Variants in PEX14 observed in about 807,000 individuals in gnomAD.
The protein encoded by PEX14 is peroxisomal biogenesis factor 14, also known as peroxisomal membrane protein PEX14.
A neutral mutation model predicts 49.5 loss-of-function variants in PEX14; 15 were observed. That is an observed-to-expected ratio of 0.30 (90% confidence interval 0.20 to 0.47). PEX14 has a LOEUF of 0.47. Ranked by LOEUF, PEX14 falls within the 20% of genes least tolerant of loss-of-function variation. The pLI, the probability that PEX14 is intolerant of heterozygous loss-of-function variation, is 1.00. For synonymous variants in PEX14, 210 were observed against 212.7 expected, an observed-to-expected ratio of 0.99 and a Z score of 0.11; for missense variants, 398 against 494.8, an observed-to-expected ratio of 0.80 and a Z score of 1.86.
intron 1 of PEX14, among the ~76,000 whole-genome samples, chr1:10,484,849 A>G (rs1194513592): frequency 6.6e-6 from 1 of 151,686 alleles, no homozygotes; most frequent in Non-Finnish European, 1.5e-5. Flanking sequence ...TTCTTGCCAA[A>G]TGAGTCTTCC....
chr1:10,629,431 T>C lies in PEX14; in HGVS notation c.678-100T>C. 1 of 804,398 alleles carries C rather than the reference T, an allele frequency of 1.2e-6. No homozygotes were observed. Among genetic ancestry groups the C allele is most frequent in the Non-Finnish European group, 2.1e-6 (1 of 466,792 alleles). The allele number at this position is 804,398 out of a possible 1,614,324, so 49.8% of individuals were successfully genotyped here. Reference sequence around the variant, plus strand: ...TGCCCAGTGTCCCTGGGGGAGCAGCTCACCATCGCCGAGCCCTTGCGGGTC... The same window carrying C: ...TGCCCAGTGTCCCTGGGGGAGCAGCCCACCATCGCCGAGCCCTTGCGGGTC... On this transcript the variant is annotated intron_variant, in intron 8 of 8. Transcript: ENST00000356607. This position sits in a 1 kb window ranked among gnomAD's most constrained non-coding sequence, Gnocchi z 8.5.
intron 3 of PEX14, among the ~76,000 whole-genome samples, chr1:10,585,561 G>C (rs1640456241): frequency 6.6e-6 from 1 of 152,208 alleles, no homozygotes; most frequent in Admixed American, 6.5e-5. Flanking sequence ...GATGGAAAAA[G>C]ATACACCATG....
chr1:10,577,985 C>T (rs1291955455), intron 3 of PEX14, among the ~76,000 whole-genome samples: 1 of 151,832 alleles, frequency 6.6e-6, no homozygotes, highest in East Asian at 2.0e-4. Flanking sequence ...AAGGCTTTTT[C>T]CTTGAGGTAT....
chr1:10,584,566 G>T (rs1388838741), intron 3 of PEX14, among the ~76,000 whole-genome samples: 1 of 152,160 alleles, frequency 6.6e-6, no homozygotes, highest in Admixed American at 6.5e-5. Flanking sequence ...CATATAGACA[G>T]ATCAATAGAG....
intron 3 of PEX14, 28 bp from the exon 4 acceptor site, chr1:10,599,210 A>G (rs971894471): frequency 6.2e-7 from 1 of 1,613,260 alleles, no homozygotes; most frequent in Non-Finnish European, 8.5e-7. Flanking sequence ...AAAGGTACTC[A>G]CCTGCAATGA....
chr1:10,600,498 C>T (rs1164089985), intron 4 of PEX14, among the ~76,000 whole-genome samples: 1 of 152,020 alleles, frequency 6.6e-6, no homozygotes, highest in Non-Finnish European at 1.5e-5. Flanking sequence ...AGGCGGATCA[C>T]TTGAGGTCAG....
intron 2 of PEX14, among the ~76,000 whole-genome samples, chr1:10,503,730 T>TTTTTC (rs1276465503): frequency 2.0e-5 from 3 of 151,928 alleles, no homozygotes; most frequent in South Asian, 2.1e-4. Context: ...CCTTTTTTCT[T>TTTTTC]TTTTCTTTTC....
intron 4 of PEX14, among the ~76,000 whole-genome samples, chr1:10,608,675 A>G (rs9430150): frequency 0.12 from 271 of 2,300 alleles, no homozygotes; most frequent in African/African-American, 0.3. Context: ...AAAAAAAAAG[A>G]AAAAAAAAAA....
chr1:10,548,084 G>T (rs571845175), intron 3 of PEX14, among the ~76,000 whole-genome samples: 2 of 152,296 alleles, frequency 1.3e-5, no homozygotes, highest in African/African-American at 4.8e-5. Flanking sequence ...AGGCGTGGTG[G>T]CGCATGCCTG....
intron 2 of PEX14, among the ~76,000 whole-genome samples, chr1:10,507,072 G>T (rs563001850): frequency 6.6e-6 from 1 of 152,278 alleles, no homozygotes; most frequent in Admixed American, 6.5e-5. Context: ...CTCGCTGTTG[G>T]TGTCTTTATT....
At chr1:10,528,219 C>T (rs1638548086) in intron 2 of PEX14, 2 of 563,544 alleles carry the variant, frequency 3.5e-6, no homozygotes, top group East Asian at 2.9e-4. Context: ...ATGACACAAC[C>T]TTTCTTCGTC....
In PEX14 at chr1:10,539,544, C is replaced by T. The variant is rs1012923919; in HGVS notation, c.169+3247C>T. Among the ~76,000 whole-genome samples, 4 of 150,920 alleles carry T rather than the reference C, an allele frequency of 2.7e-5. No individual in the cohort carries two copies. The highest frequency in any genetic ancestry group is 5.9e-5 in the Non-Finnish European group (4 of 67,756). ...ATGACACATCAACTGCGGAGTCAGC[C>T]ACACATCAAGATAATTGGACTGTGT... On this transcript the variant is annotated intron_variant, in intron 3 of 8. Transcript: ENST00000356607. The surrounding 1 kb of genome is among the most constrained non-coding windows in gnomAD (Gnocchi z 4.6).
rs1553119318 is a variant in PEX14 at position 10,608,741 on chromosome 1, T to TA, written c.298+9386dup. Among the ~76,000 whole-genome samples the TA allele has an allele frequency of 1.2e-4, 17 of 138,096 alleles. No homozygotes were observed. In the East Asian group the frequency reaches 2.7e-3, roughly 22 times the overall value. 90.6% of individuals were successfully genotyped at this position (138,096 alleles called of 152,430 possible). A position where few individuals can be genotyped will look rare whatever the true frequency, so the allele number is the denominator to read the frequency against. On this transcript the variant is annotated intron_variant, in intron 4 of 8. Transcript: ENST00000356607. ...TCTAGATTCCTCTTTTAAAAAAAAATAAAAAAAAAAACAAAGCTATCGAAG... is the reference window on the plus strand; with the variant it reads ...TCTAGATTCCTCTTTTAAAAAAAAATAAAAAAAAAAAACAAAGCTATCGAAG...
intron 3 of PEX14, among the ~76,000 whole-genome samples, chr1:10,557,842 T>A (rs1639538349): frequency 6.6e-6 from 1 of 152,166 alleles, no homozygotes; most frequent in Non-Finnish European, 1.5e-5. Context: ...ACCTTTTTTT[T>A]TTTTTTTAAT....
intron 4 of PEX14, among the ~76,000 whole-genome samples, chr1:10,610,340 A>G (rs1641243035): frequency 7.0e-6 from 1 of 143,496 alleles, no homozygotes; most frequent in Admixed American, 7.3e-5. Flanking sequence ...ATTATACACA[A>G]ATATATATAA....
rs1256270433 is a variant in PEX14, at chr1:10,628,625, A to C, written c.678-906A>C. Among the ~76,000 whole-genome samples, 9 of 152,246 alleles carry C rather than the reference A, an allele frequency of 5.9e-5. No individual in the cohort carries two copies. Among genetic ancestry groups the C allele is most frequent in the Admixed American group, 3.3e-4 (5 of 15,290 alleles). ...GCCTTGGAGGCTGGGGATGGAGGCCAGGCCATCGGGTGACCGTGGGGGCCA... is the reference window on the plus strand; with the variant it reads ...GCCTTGGAGGCTGGGGATGGAGGCCCGGCCATCGGGTGACCGTGGGGGCCA... On this transcript the variant is annotated intron_variant, in intron 8 of 8. Coordinates refer to ENST00000356607, the MANE Select transcript of PEX14 (RefSeq NM_004565.3). This position sits in a 1 kb window ranked among gnomAD's most constrained non-coding sequence, Gnocchi z 4.5.
chr1:10,501,592 C>T (rs1218048149), intron 2 of PEX14, among the ~76,000 whole-genome samples: 5 of 152,040 alleles, frequency 3.3e-5, no homozygotes, highest in Non-Finnish European at 7.4e-5. Context: ...TGAGCCACCG[C>T]GCCCTGCCCC....
intron 2 of PEX14, among the ~76,000 whole-genome samples, chr1:10,506,624 C>T (rs1051577876): frequency 6.6e-6 from 1 of 152,204 alleles, no homozygotes; most frequent in Non-Finnish European, 1.5e-5. Flanking sequence ...TTTATGAAAA[C>T]TAAGTTAAAT....
chr1:10,621,342 CTTTTT>C (rs930417764), intron 5 of PEX14, among the ~76,000 whole-genome samples: 1 of 108,026 alleles, frequency 9.3e-6, no homozygotes, highest in East Asian at 2.6e-4. Flanking sequence ...TATATGAATT[CTTTTT>C]TTTTTTTTTT....
Sources: gnomAD v4.1 joint callset for allele counts (sites outside exome capture counted in the v4.1 genomes callset) on GRCh38, gnomAD v4.1.1 for gene constraint, Gnocchi (gnomAD v3.1) non-coding constraint, MANE v1.5 for transcripts, NCBI Gene and HGNC (gene_info 2026-07-23, HGNC 2026-07-21) for gene names.